The following MEI1 variants were observed in gnomAD, a reference collection of about 807,000 sequenced individuals.
The protein encoded by MEI1 is meiotic double-stranded break formation protein 1, also known as meiosis inhibitor protein 1.
In MEI1, 103 loss-of-function variants were observed where a neutral mutation model predicts 146.2. That is an observed-to-expected ratio of 0.70 (90% confidence interval 0.60 to 0.83). The LOEUF is 0.83. Among genes scored for constraint, MEI1 ranks in the 40% least tolerant of loss-of-function variants. The pLI is 0.00. For synonymous variants in MEI1, 652 were observed against 628.2 expected (o/e 1.04, Z -0.57); for missense variants, 1,529 against 1,533.0 (o/e 1.00, Z 0.04).
At chr22:41,706,928 C>T (rs1474407437) in intron 3 of MEI1, among the ~76,000 whole-genome samples, 1 of 151,544 alleles carries the variant, frequency 6.6e-6, no homozygotes, top group African/African-American at 2.4e-5. Flanking sequence ...CAGTGGCTCA[C>T]GCCTGTAATC....
rs535740908 is a variant in MEI1, at chr22:41,722,564, A to T, written c.734-1379A>T. Reference sequence around the variant, plus strand: ...ATTAACCTCTCAAGCCTCATCTCTCACTTCTCTATCTGTCCCCACCCTAAC... The same window carrying T: ...ATTAACCTCTCAAGCCTCATCTCTCTCTTCTCTATCTGTCCCCACCCTAAC... On this transcript the variant is annotated intron_variant, in intron 6 of 30. Transcript: ENST00000401548. 5.6e-5 allele frequency among the ~76,000 whole-genome samples: 8 copies of T among 142,592 alleles called. No individual in the cohort carries two copies. In the South Asian group the frequency reaches 1.3e-3, roughly 23 times the overall value. The allele number at this position is 142,592 out of a possible 152,430, so 93.5% of individuals were successfully genotyped here.
chr22:41,745,336 C>A (rs944409572), intron 13 of MEI1, among the ~76,000 whole-genome samples: 1 of 152,108 alleles, frequency 6.6e-6, no homozygotes, highest in Non-Finnish European at 1.5e-5. Context: ...CCCACCACCC[C>A]CCAACTAGCC....
intron 20 of MEI1, among the ~76,000 whole-genome samples, chr22:41,775,477 G>A (rs1457568330): frequency 6.6e-6 from 1 of 152,180 alleles, no homozygotes; most frequent in Non-Finnish European, 1.5e-5. Flanking sequence ...TTGGAGTTAG[G>A]AGACTTGCAT....
chr22:41,762,541 A>AT (rs2074561430), intron 18 of MEI1, among the ~76,000 whole-genome samples: 1 of 148,688 alleles, frequency 6.7e-6, no homozygotes, highest in Non-Finnish European at 1.5e-5. Flanking sequence ...CAACCAGCTA[A>AT]TTTAACTGAT....
In MEI1 at chr22:41,784,352, T is replaced by A. The variant is rs2075873961; in HGVS notation, c.3101T>A (p.Leu1034His). The change falls in exon 25 of 31, where the codon CTC (leucine) becomes CAC (histidine). Residue 1034 changes from leucine (L) to histidine (H), a missense_variant. Physicochemically the swap from Leu to His is moderately conservative, Grantham distance 99 (BLOSUM62 -3). Transcript: ENST00000401548. Reference protein sequence around the residue: ...HKGSLQVHQTLSVEMDQVLKA... With the variant: ...HKGSLQVHQTHSVEMDQVLKA... Reference sequence around the variant, plus strand: ...GTGCCCTGCCAGGTTCACCAGACACTCTCTGTGGAAATGGACCAAGTATTG... The same window carrying A: ...GTGCCCTGCCAGGTTCACCAGACACACTCTGTGGAAATGGACCAAGTATTG... The A allele has an allele frequency of 6.2e-7, 1 of 1,613,686 alleles. No homozygotes were observed. Among genetic ancestry groups the A allele is most frequent in the Non-Finnish European group, 8.5e-7 (1 of 1,179,860 alleles).
rs1556012538 is a variant in MEI1 at position 41,798,170 on chromosome 22, CAT to C, written c.3780-1082_3780-1081del. 1.6e-3 allele frequency among the ~76,000 whole-genome samples: 202 copies of C among 127,886 alleles called. 2 individuals carry two copies. Among genetic ancestry groups the C allele is most frequent in the South Asian group, 0.015 (59 of 3,954 alleles). 83.9% of individuals were successfully genotyped at this position (127,886 alleles called of 152,430 possible). ...ACACACACACACACACACACACACA[CAT>C]AGTGTGTGTCTCTGTGACTGCCATG... On this transcript the variant is annotated intron_variant, in intron 30 of 30. Coordinates refer to ENST00000401548, the MANE Select transcript of MEI1 (RefSeq NM_152513.4).
intron 1 of MEI1, among the ~76,000 whole-genome samples, chr22:41,700,434 G>A (rs913448152): frequency 1.3e-5 from 2 of 152,178 alleles, no homozygotes; most frequent in Non-Finnish European, 2.9e-5. Flanking sequence ...GGGTTCAAGC[G>A]ATTCTCCTGC....
intron 18 of MEI1, among the ~76,000 whole-genome samples, chr22:41,758,868 C>T (rs894363956): frequency 3.3e-5 from 5 of 152,214 alleles, no homozygotes; most frequent in African/African-American, 1.2e-4. Flanking sequence ...CATGGCTGGG[C>T]ATGGTGGCTC....
intron 1 of MEI1, among the ~76,000 whole-genome samples, chr22:41,700,041 CCCTG>C (rs1468895970): frequency 3.9e-5 from 6 of 152,276 alleles, no homozygotes; most frequent in African/African-American, 1.4e-4. Flanking sequence ...CCTTTGCTGC[CCCTG>C]CCTCCATTTC....
rs1257612129 is a variant in MEI1, at chr22:41,777,057, TC to T, written c.2710+792del. On this transcript the variant is annotated intron_variant, in intron 21 of 30. Coordinates refer to ENST00000401548, the MANE Select transcript of MEI1 (RefSeq NM_152513.4). ...GTCTCAAACCCCTGAGCTCAAGTGA[TC>T]CGCCCACCTCAGCCTCCCAAAGTGG... Among the ~76,000 whole-genome samples the T allele has an allele frequency of 5.3e-5, 8 of 152,174 alleles. No homozygotes were observed. The East Asian group carries it at 1.5e-3, about 29-fold the overall frequency.
chr22:41,771,630 G>T (rs1402419565), intron 20 of MEI1, among the ~76,000 whole-genome samples: 3 of 151,910 alleles, frequency 2.0e-5, no homozygotes, highest in African/African-American at 4.8e-5. Flanking sequence ...TAAGAGATGG[G>T]GTTTCACCAG....
At chr22:41,772,450 T>A (rs2075233482) in intron 20 of MEI1, among the ~76,000 whole-genome samples, 3 of 152,140 alleles carry the variant, frequency 2.0e-5, no homozygotes, top group Admixed American at 2.0e-4. Context: ...CAAGACCAAG[T>A]AGCTGGAACT....
chr22:41,782,893 G>A (rs1235019578), intron 24 of MEI1, among the ~76,000 whole-genome samples: 1 of 152,098 alleles, frequency 6.6e-6, no homozygotes, highest in Non-Finnish European at 1.5e-5. Context: ...ACTCAGGCCT[G>A]ATCATTCGTC....
intron 24 of MEI1, 36 bp downstream of exon 24, chr22:41,781,881 G>T: frequency 6.2e-7 from 1 of 1,609,610 alleles, no homozygotes; most frequent in African/African-American, 1.3e-5. Context: ...GAGGCATGGG[G>T]TGGCACTCAA....
chr22:41,788,604 C>T (rs2076069693), intron 26 of MEI1, among the ~76,000 whole-genome samples: 1 of 151,568 alleles, frequency 6.6e-6, no homozygotes, highest in African/African-American at 2.4e-5. Flanking sequence ...CCATGCCTGG[C>T]TAATTTTTGT....
chr22:41,752,332 G>A, intron 15 of MEI1: 1 of 456,102 alleles, frequency 2.2e-6, no homozygotes, highest in Non-Finnish European at 4.0e-6. Flanking sequence ...CTTACTTTGA[G>A]CCAAGTATTT....
At chr22:41,791,377 A>G (rs2076178183) in intron 26 of MEI1, among the ~76,000 whole-genome samples, 1 of 152,158 alleles carries the variant, frequency 6.6e-6, no homozygotes, top group Non-Finnish European at 1.5e-5. Flanking sequence ...AGTTCCATCT[A>G]CTCAGGAGGC....
intron 17 of MEI1, among the ~76,000 whole-genome samples, chr22:41,756,278 G>A (rs1231489751): frequency 6.6e-6 from 1 of 151,942 alleles, no homozygotes; most frequent in African/African-American, 2.4e-5. Context: ...GGGACTACAA[G>A]CATATGTCAC....
rs749216744 is a variant in MEI1 at position 41,732,463 on chromosome 22, T to C, written c.1197-6T>C. The C allele has an allele frequency of 6.2e-7, 1 of 1,613,842 alleles. No homozygotes were observed. The highest frequency in any genetic ancestry group is 1.1e-5 in the South Asian group (1 of 91,070). On this transcript the variant is annotated splice_polypyrimidine_tract_variant and splice_region_variant and intron_variant, in intron 10 of 30. Coordinates refer to ENST00000401548, the MANE Select transcript of MEI1 (RefSeq NM_152513.4). Reference sequence around the variant, plus strand: ...ACCTACTCGTTTCTCATCTTCCATTTCTCAGGCAGCCAGAGGAGATCAAGC... The same window carrying C: ...ACCTACTCGTTTCTCATCTTCCATTCCTCAGGCAGCCAGAGGAGATCAAGC...
Sources: allele counts gnomAD v4.1 joint callset (sites outside exome capture counted in the v4.1 genomes callset), GRCh38; gene constraint gnomAD v4.1.1; transcripts MANE v1.5; gene names NCBI Gene and HGNC (gene_info 2026-07-23, HGNC 2026-07-21).